Variants in WARS1 observed in about 807,000 individuals in gnomAD.
The protein encoded by WARS1 is tryptophan--tRNA ligase, cytoplasmic.
Under a neutral mutation model 47.8 loss-of-function variants are expected in WARS1, and 17 were observed. The ratio of observed to expected loss-of-function variants is 0.36; its 90% CI spans 0.24 to 0.53. The LOEUF is 0.53. WARS1 is among the 20% of genes least tolerant of loss of function. The pLI, the probability that WARS1 is intolerant of heterozygous loss-of-function variation, is 0.91. For missense variants in WARS1, 434 were observed against 608.0 expected (o/e 0.71, Z 3.01); for synonymous variants, 208 against 228.1 (o/e 0.91, Z 0.79).
chr14:100,342,248 G>A, intron 9 of WARS1, 150 bp downstream of exon 9: 1 of 1,058,432 alleles, frequency 9.4e-7, no homozygotes, highest in South Asian at 1.4e-5. Context: ...AGTTCTGCAG[G>A]GAGCAAAGTT....
intron 4 of WARS1, among the ~76,000 whole-genome samples, chr14:100,358,906 A>T (rs940065886): frequency 6.6e-6 from 1 of 152,258 alleles, no homozygotes; most frequent in Non-Finnish European, 1.5e-5. Context: ...GTTAATAAGC[A>T]CATGAAAAGA....
intron 9 of WARS1, among the ~76,000 whole-genome samples, chr14:100,338,207 C>T (rs7154151): frequency 0.68 from 104,118 of 152,014 alleles, 36,853 homozygotes; most frequent in Admixed American, 0.81. Flanking sequence ...TAATAAAAGC[C>T]AGAACAAATA....
chr14:100,353,317 C>G lies in WARS1; in HGVS notation c.725+370G>C, dbSNP rs866396179. Among the ~76,000 whole-genome samples, 14 of 152,034 alleles carry G rather than the reference C, an allele frequency of 9.2e-5. 1 individual carries two copies. Among genetic ancestry groups the G allele is most frequent in the South Asian group, 4.2e-4 (2 of 4,818 alleles). ...CCAGGCTGGAGTGCAATGGCGTGATCTCAACTCACTGTAACCTCCACCTCC... is the reference window on the plus strand; with the variant it reads ...CCAGGCTGGAGTGCAATGGCGTGATGTCAACTCACTGTAACCTCCACCTCC... On this transcript the variant is annotated intron_variant, in intron 6 of 10. Transcript: ENST00000392882.
chr14:100,368,413 C>A (rs562546586), intron 2 of WARS1: 4 of 455,966 alleles, frequency 8.8e-6, no homozygotes, highest in East Asian at 1.4e-4. Flanking sequence ...ACTGCCTGGA[C>A]GGGAAGTGGT....
At chr14:100,352,733 T>C (rs1895076627) in intron 6 of WARS1, 1 of 152,148 alleles carries the variant, frequency 6.6e-6, no homozygotes, top group East Asian at 1.9e-4. Flanking sequence ...TACTATGACT[T>C]AGAAGAGTAT....
chr14:100,335,168 T>G (rs148895974), intron 10 of WARS1, 132 bp from the exon 11 acceptor site: 1 of 777,412 alleles, frequency 1.3e-6, no homozygotes, highest in Non-Finnish European at 2.0e-6. Context: ...AGAAGTGAGA[T>G]CTGTTGTTAC....
intron 2 of WARS1, chr14:100,366,192 C>T: frequency 2.3e-6 from 1 of 439,504 alleles, no homozygotes; most frequent in Non-Finnish European, 4.6e-6. Flanking sequence ...GATCCCACAG[C>T]CCAGCCCTTC....
chr14:100,341,025 C>T (rs963075845), intron 9 of WARS1, among the ~76,000 whole-genome samples: 2 of 151,636 alleles, frequency 1.3e-5, no homozygotes, highest in Admixed American at 1.3e-4. Context: ...AACAATTCTC[C>T]TGCCTCAGCC....
intron 2 of WARS1, chr14:100,366,742 A>C: frequency 1.2e-6 from 1 of 859,652 alleles, no homozygotes; most frequent in Non-Finnish European, 2.0e-6. Context: ...TGGCTGAAAA[A>C]GGGCTAAGGG....
intron 6 of WARS1, among the ~76,000 whole-genome samples, chr14:100,352,108 C>CTTTTTTTTTTT (rs1172421175): frequency 6.4e-5 from 6 of 94,244 alleles, no homozygotes; most frequent in African/African-American, 7.9e-5. Flanking sequence ...CAGTTTCTTT[C>CTTTTTTTTTTT]TTTTTTTTTT....
chr14:100,336,963 C>T (rs1014633023), intron 10 of WARS1, 99 bp downstream of exon 10: 53 of 1,509,574 alleles, frequency 3.5e-5, no homozygotes, highest in Middle Eastern at 3.7e-4. Context: ...TGAGCACCTC[C>T]GACCAAGCCT....
At chr14:100,358,240 C>T (rs1464545846) in intron 4 of WARS1, among the ~76,000 whole-genome samples, 2 of 152,138 alleles carry the variant, frequency 1.3e-5, no homozygotes, top group Non-Finnish European at 2.9e-5. Flanking sequence ...TCATGCCATT[C>T]TCCTGCCTCA....
chr14:100,343,562 T>C (rs1894317864), intron 7 of WARS1, among the ~76,000 whole-genome samples, 175 bp from the exon 8 acceptor site: 1 of 152,196 alleles, frequency 6.6e-6, no homozygotes, highest in South Asian at 2.1e-4. Context: ...TCTGATTTCA[T>C]CCATTTTCTT....
chr14:100,352,166 C>T lies in WARS1; in HGVS notation c.725+1521G>A, dbSNP rs1161339129. On this transcript the variant is annotated intron_variant, in intron 6 of 10. Coordinates refer to ENST00000392882, the MANE Select transcript of WARS1 (RefSeq NM_004184.4). The stretch of plus-strand genomic sequence containing the variant: ...TCACTCTGTTGCCCAGGCTGGAATG[C>T]AGTGGCATGATCTCGGCTCACTGCA... 2.5e-5 allele frequency among the ~76,000 whole-genome samples: 3 copies of T among 122,112 alleles called. No homozygotes were observed. The East Asian group carries it at 7.9e-4, about 32-fold the overall frequency. The allele number at this position is 122,112 out of a possible 152,430, so 80.1% of individuals were successfully genotyped here.
chr14:100,350,831 A>G (rs964535370), intron 6 of WARS1, among the ~76,000 whole-genome samples: 5 of 152,158 alleles, frequency 3.3e-5, no homozygotes, highest in Non-Finnish European at 5.9e-5. Flanking sequence ...GGAGGACCAG[A>G]GAGGGGCATC....
Position 100,361,829 on chromosome 14 carries a change from T to C in WARS1, c.192A>G (p.Pro64=), listed in dbSNP as rs943624281. 6.2e-7 allele frequency: 1 copy of C among 1,614,108 alleles called. No individual in the cohort carries two copies. The highest frequency in any genetic ancestry group is 8.5e-7 in the Non-Finnish European group (1 of 1,180,042). Residue 64 remains proline, a synonymous_variant, in exon 3 of 11, where the codon CCA becomes CCG. Transcript: ENST00000392882. ...AGEDYKADCP[P]GNPAPTSNHG... Reference sequence around the variant, plus strand: ...GATTACTGGTAGGTGCTGGGTTCCCTGGAGGACAGTCAGCCTTGTAATCCT... The same window carrying C: ...GATTACTGGTAGGTGCTGGGTTCCCCGGAGGACAGTCAGCCTTGTAATCCT...
In WARS1 at chr14:100,339,059, T is replaced by C. The variant is rs542400387; in HGVS notation, c.1114-1857A>G. The stretch of plus-strand genomic sequence containing the variant: ...AGGCGGAGGTTGTGGTGAGCCGAGA[T>C]TGTGCCATTGCACTCCAGCCTGGGC... On this transcript the variant is annotated intron_variant, in intron 9 of 10. Coordinates refer to ENST00000392882, the MANE Select transcript of WARS1 (RefSeq NM_004184.4). Among the ~76,000 whole-genome samples, 7 of 151,342 alleles carry C rather than the reference T, an allele frequency of 4.6e-5. No individual in the cohort carries two copies. The East Asian group carries it at 1.2e-3, about 26-fold the overall frequency.
chr14:100,369,159 C>G lies in WARS1; in HGVS notation c.27G>C (p.Leu9=). The change falls in exon 2 of 11, where the codon CTG becomes CTC. Residue 9 remains leucine, a synonymous_variant. Coordinates refer to ENST00000392882, the MANE Select transcript of WARS1 (RefSeq NM_004184.4). MPNSEPAS[L]LELFNSIATQ... is the part of the protein sequence containing the mutation. ...TGGCGATGCTGTTGAACAGCTCCAG[C>G]AGAGATGCGGGCTCACTGTTGGGCA... The G allele has an allele frequency of 6.5e-7, 1 of 1,528,318 alleles. No individual in the cohort carries two copies. Among genetic ancestry groups the G allele is most frequent in the Non-Finnish European group, 8.9e-7 (1 of 1,124,166 alleles). The allele number at this position is 1,528,318 out of a possible 1,614,324, so 94.7% of individuals were successfully genotyped here. A position where few individuals can be genotyped will look rare whatever the true frequency, so the allele number is the denominator to read the frequency against.
At chr14:100,355,619 G>A (rs905838886) in intron 4 of WARS1, among the ~76,000 whole-genome samples, 3 of 152,166 alleles carry the variant, frequency 2.0e-5, no homozygotes, top group Non-Finnish European at 1.5e-5. Flanking sequence ...TCTGGGTAAA[G>A]TGTCCCCAAA....
Sources: allele counts gnomAD v4.1 joint callset (sites outside exome capture counted in the v4.1 genomes callset), GRCh38; gene constraint gnomAD v4.1.1; transcripts MANE v1.5; gene names NCBI Gene and HGNC (gene_info 2026-07-23, HGNC 2026-07-21).